PDE4D: variants seen among roughly 807,000 people sequenced by gnomAD.
PDE4D encodes the protein 3',5'-cyclic-AMP phosphodiesterase 4D.
Under a neutral mutation model 87.4 loss-of-function variants are expected in PDE4D, and 24 were observed. The observed-to-expected ratio is 0.27, with a 90% CI of 0.20 to 0.39. PDE4D has a LOEUF of 0.39. Among genes scored for constraint, PDE4D ranks in the 10% least tolerant of loss-of-function variants. PDE4D has a pLI of 1.00. For missense variants in PDE4D, 714 were observed against 1,041.0 expected, an observed-to-expected ratio of 0.69 and a Z score of 4.32; for synonymous variants, 384 against 383.2, an observed-to-expected ratio of 1.00 and a Z score of -0.02.
intron 1 of PDE4D, among the ~76,000 whole-genome samples, chr5:59,382,459 T>C (rs182476525): frequency 1.3e-5 from 2 of 152,332 alleles, no homozygotes. Context: ...ATATTTTATT[T>C]TTTTCTAGTA....
intron 1 of PDE4D, among the ~76,000 whole-genome samples, chr5:59,406,581 G>C (rs1582435669): frequency 6.6e-6 from 1 of 152,132 alleles, no homozygotes; most frequent in African/African-American, 2.4e-5. Context: ...GTAGAGATGG[G>C]ATTTCACCGT....
intron 3 of PDE4D, among the ~76,000 whole-genome samples, chr5:59,960,199 C>T (rs1370218170): frequency 6.6e-5 from 10 of 151,996 alleles, no homozygotes; most frequent in African/African-American, 1.9e-4. Context: ...AAAAAAATAA[C>T]GGATGTTGGC....
intron 1 of PDE4D, among the ~76,000 whole-genome samples, chr5:59,461,540 G>A (rs921747167): frequency 3.9e-5 from 6 of 152,134 alleles, no homozygotes; most frequent in African/African-American, 7.2e-5. Context: ...AGGCCAAAAT[G>A]TTTTGACCTT....
At chr5:60,077,836 G>A (rs1305669546) in intron 2 of PDE4D, among the ~76,000 whole-genome samples, 1 of 152,132 alleles carries the variant, frequency 6.6e-6, no homozygotes, top group African/African-American at 2.4e-5. Context: ...GGATTCCAGA[G>A]ATCCATGCGA....
intron 2 of PDE4D, among the ~76,000 whole-genome samples, chr5:60,083,769 G>A (rs1056921283): frequency 1.3e-5 from 2 of 152,104 alleles, no homozygotes; most frequent in Admixed American, 1.3e-4. Flanking sequence ...CACATAGAAC[G>A]GTTTAAGGAA....
chr5:60,419,918 T>G (rs1226894186), intron 1 of PDE4D, among the ~76,000 whole-genome samples: 1 of 152,162 alleles, frequency 6.6e-6, no homozygotes, highest in Admixed American at 6.5e-5. Flanking sequence ...GCAGCTGGCA[T>G]GGCTGGCATC....
At chr5:58,983,653 G>C (rs1410730104) in intron 11 of PDE4D, among the ~76,000 whole-genome samples, 2 of 152,272 alleles carry the variant, frequency 1.3e-5, no homozygotes, top group Non-Finnish European at 2.9e-5. Flanking sequence ...TCTGTCAAAG[G>C]CTCCAAACAA....
In PDE4D at chr5:58,977,287, A is replaced by G; in HGVS notation, c.1611T>C (p.Ala537=). The change falls in exon 12 of 15, where the codon GCT becomes GCC. Residue 537 remains alanine, a synonymous_variant. Coordinates refer to ENST00000340635, the MANE Select transcript of PDE4D (RefSeq NM_001104631.2). ...DSSVLENHHL[A]VGFKLLQEEN... ...CTTCCTGAAGCAATTTAAAGCCCAC[A>G]GCCAAATGATGGTTCTCTAAGACTG... 3 of 1,613,098 alleles carry G rather than the reference A, an allele frequency of 1.9e-6. No homozygotes were observed. The highest frequency in any genetic ancestry group is 2.5e-6 in the Non-Finnish European group (3 of 1,179,452).
chr5:59,636,041 A>T (rs1345223959), intron 1 of PDE4D, among the ~76,000 whole-genome samples: 1 of 152,218 alleles, frequency 6.6e-6, no homozygotes, highest in African/African-American at 2.4e-5. Context: ...GCAAAGTCTC[A>T]GGATAAAAAC....
At chr5:59,598,956 A>G (rs1018481382) in intron 1 of PDE4D, among the ~76,000 whole-genome samples, 8 of 152,014 alleles carry the variant, frequency 5.3e-5, no homozygotes, top group African/African-American at 1.7e-4. Context: ...CATTCCCCCC[A>G]GTGACCTGCT....
chr5:59,448,736 G>A (rs990126282), intron 1 of PDE4D, among the ~76,000 whole-genome samples: 16 of 152,224 alleles, frequency 1.1e-4, no homozygotes, highest in South Asian at 2.1e-4. Flanking sequence ...GGACTCACAC[G>A]ATCCTCCCAT....
intron 5 of PDE4D, chr5:59,172,908 T>C (rs1783242686): frequency 1.3e-5 from 2 of 151,958 alleles, no homozygotes; most frequent in South Asian, 4.1e-4. Flanking sequence ...ATAATAATAA[T>C]AATATTATAG....
intron 5 of PDE4D, chr5:59,174,599 C>G (rs1783534011): frequency 6.6e-6 from 1 of 152,390 alleles, no homozygotes; most frequent in Non-Finnish European, 1.5e-5. Context: ...AGAGATATGT[C>G]CAGTGAGAGG....
intron 1 of PDE4D, among the ~76,000 whole-genome samples, chr5:60,475,144 C>G (rs1325394037): frequency 6.6e-6 from 1 of 152,132 alleles, no homozygotes; most frequent in Non-Finnish European, 1.5e-5. Context: ...CTTCTCCCCC[C>G]TAATGTTATG....
intron 1 of PDE4D, among the ~76,000 whole-genome samples, chr5:59,805,381 G>A (rs1318837649): frequency 6.6e-6 from 1 of 152,142 alleles, no homozygotes; most frequent in Admixed American, 6.5e-5. Flanking sequence ...AAATAATGAT[G>A]GTGTCAGGAA....
At chr5:60,339,692 G>A (rs1758136841) in intron 1 of PDE4D, among the ~76,000 whole-genome samples, 1 of 152,056 alleles carries the variant, frequency 6.6e-6, no homozygotes, top group Admixed American at 6.5e-5. Flanking sequence ...CTTTCGGGAC[G>A]TCACATTTTA....
intron 2 of PDE4D, among the ~76,000 whole-genome samples, chr5:59,993,764 C>T (rs1582088675): frequency 1.3e-5 from 2 of 152,046 alleles, no homozygotes; most frequent in East Asian, 3.9e-4. Context: ...ATACAACATT[C>T]ACCTTGCTAT....
At chr5:60,373,870 T>A (rs1006416469) in intron 1 of PDE4D, among the ~76,000 whole-genome samples, 5 of 152,208 alleles carry the variant, frequency 3.3e-5, no homozygotes, top group African/African-American at 9.7e-5. Context: ...CTTGACTTTC[T>A]CATGCTGCGT....
At chr5:58,999,104 A>G (rs13167220) in intron 6 of PDE4D, among the ~76,000 whole-genome samples, 15,336 of 152,264 alleles carry the variant, frequency 0.1, 1,028 homozygotes, top group Non-Finnish European at 0.13. Context: ...ATAGATTTTT[A>G]GAAACAGCCA....
Sources: gnomAD v4.1 joint callset for allele counts (sites outside exome capture counted in the v4.1 genomes callset) on GRCh38, gnomAD v4.1.1 for gene constraint, MANE v1.5 for transcripts, NCBI Gene and HGNC (gene_info 2026-07-23, HGNC 2026-07-21) for gene names.